The following NUFIP2 variants were observed in gnomAD, a reference collection of about 807,000 sequenced individuals.
NUFIP2 encodes nuclear FMR1 interacting protein 2.
In NUFIP2, 6 loss-of-function variants were observed where a neutral mutation model predicts 56.9. The ratio of observed to expected loss-of-function variants is 0.11; its 90% CI spans 0.06 to 0.21. The LOEUF is 0.21. Ranked by LOEUF, NUFIP2 falls within the 10% of genes least tolerant of loss-of-function variation. NUFIP2 has a pLI of 1.00. For synonymous variants in NUFIP2, 321 were observed against 298.2 expected (o/e 1.08, Z -0.79); for missense variants, 828 against 826.8 (o/e 1.00, Z -0.02).
At chr17:29,268,700 T>TA (rs369752571) in intron 2 of NUFIP2, among the ~76,000 whole-genome samples, 236 of 149,158 alleles carry the variant, frequency 1.6e-3, no homozygotes, top group East Asian at 7.6e-3. Context: ...TATATATATA[T>TA]TTTTTTTTAG....
chr17:29,276,338 C>T (rs890393532), intron 2 of NUFIP2, among the ~76,000 whole-genome samples: 1 of 152,108 alleles, frequency 6.6e-6, no homozygotes, highest in African/African-American at 2.4e-5. Context: ...TTTTCGGAAT[C>T]CTGACTGCCC....
chr17:29,278,447 C>A (rs549892782), intron 2 of NUFIP2, among the ~76,000 whole-genome samples: 1 of 151,892 alleles, frequency 6.6e-6, no homozygotes, highest in South Asian at 2.1e-4. Context: ...GGGGTTTCAC[C>A]GTGTTAGCCA....
rs1193100541 is a variant in NUFIP2 at position 29,263,809 on chromosome 17, T to C, written c.*730A>G. On this transcript the variant is annotated 3_prime_UTR_variant, in exon 4 of 4. Coordinates refer to ENST00000225388, the MANE Select transcript of NUFIP2 (RefSeq NM_020772.3). ...AGTCCAATATGTAACCGAAGCCAAGTTAACTATGTACCATCAACTAACTAT... is the reference window on the plus strand; with the variant it reads ...AGTCCAATATGTAACCGAAGCCAAGCTAACTATGTACCATCAACTAACTAT... The C allele has an allele frequency of 6.6e-6, 1 of 152,560 alleles. No individual in the cohort carries two copies. Among genetic ancestry groups the C allele is most frequent in the Non-Finnish European group, 1.5e-5 (1 of 68,032 alleles). The allele number at this position is 152,560 out of a possible 1,614,324, so 9.5% of individuals were successfully genotyped here. A position where few individuals can be genotyped will look rare whatever the true frequency, so the allele number is the denominator to read the frequency against.
chr17:29,290,042 G>A (rs545806143), intron 1 of NUFIP2, among the ~76,000 whole-genome samples: 3 of 152,196 alleles, frequency 2.0e-5, no homozygotes, highest in Admixed American at 6.5e-5. Context: ...AGCCTCCAGA[G>A]TAGCTGGGAT....
Position 29,261,751 on chromosome 17 carries a change from T to C in NUFIP2, c.*2788A>G, listed in dbSNP as rs1442176034. 6.6e-6 allele frequency: 1 copy of C among 152,622 alleles called. No homozygotes were observed. Among genetic ancestry groups the C allele is most frequent in the South Asian group, 2.1e-4 (1 of 4,826 alleles). 9.5% of individuals were successfully genotyped at this position (152,622 alleles called of 1,614,324 possible). A position where few individuals can be genotyped will look rare whatever the true frequency, so the allele number is the denominator to read the frequency against. On this transcript the variant is annotated 3_prime_UTR_variant, in exon 4 of 4. Transcript: ENST00000225388. ...CACAAAGAGATTTGTCCCAAAGTCC[T>C]GCTTGTACCTAGGCAATTAAGTCTA...
rs377201210 is a variant in NUFIP2 at position 29,272,423 on chromosome 17, G to C, written c.2003-4893C>G. Among the ~76,000 whole-genome samples the C allele has an allele frequency of 1.3e-3, 199 of 152,042 alleles. 1 individual carries two copies. Among genetic ancestry groups the C allele is most frequent in the African/African-American group, 4.6e-3 (192 of 41,494 alleles). Reference sequence around the variant, plus strand: ...GCCCGGCTAATTTCTTGTATTTTTAGTAGAGACGGGGTTTCACCGTGTTAG... The same window carrying C: ...GCCCGGCTAATTTCTTGTATTTTTACTAGAGACGGGGTTTCACCGTGTTAG... On this transcript the variant is annotated intron_variant, in intron 2 of 3. Transcript: ENST00000225388.
rs1198262233 is a variant in NUFIP2 at position 29,286,618 on chromosome 17, A to G, written c.1376T>C (p.Leu459Pro). ...GTDSVLQDMSLTSAAVEQIKT... is the reference protein window; with the variant it reads ...GTDSVLQDMSPTSAAVEQIKT... ...AATTTGTTCAACAGCTGCTGAAGTT[A>G]GACTCATGTCCTGGAGAACTGAATC... The change falls in exon 2 of 4, where the codon CTA becomes CCA. Residue 459 changes from leucine to proline, a missense_variant. Around this residue, in one of 3 missense-constraint regions of NUFIP2, gnomAD observed 404 missense variants for 380.3 expected, o/e 1.06. Transcript: ENST00000225388. 2 of 1,614,240 alleles carry G rather than the reference A, an allele frequency of 1.2e-6. No individual in the cohort carries two copies. Among genetic ancestry groups the G allele is most frequent in the Admixed American group, 3.3e-5 (2 of 60,026 alleles).
chr17:29,292,242 T>C (rs1252127804), intron 1 of NUFIP2, among the ~76,000 whole-genome samples: 2 of 152,012 alleles, frequency 1.3e-5, no homozygotes, highest in Admixed American at 6.6e-5. Flanking sequence ...TAGTCTAACC[T>C]CATGGATGAG....
At chr17:29,274,853 A>G (rs1055611597) in intron 2 of NUFIP2, among the ~76,000 whole-genome samples, 3 of 152,138 alleles carry the variant, frequency 2.0e-5, no homozygotes, top group Admixed American at 2.0e-4. Flanking sequence ...ATAGAAAAGA[A>G]AAAAATGGAG....
At chr17:29,280,998 GGAAAA>G (rs1189946985) in intron 2 of NUFIP2, among the ~76,000 whole-genome samples, 4 of 151,366 alleles carry the variant, frequency 2.6e-5, no homozygotes, top group Non-Finnish European at 4.4e-5. Flanking sequence ...AAAAAAGAAA[GGAAAA>G]GAAAAGTTAG....
chr17:29,260,712 C>CAT lies in NUFIP2; in HGVS notation c.*3825_*3826dup, dbSNP rs139596040. 203 of 152,252 alleles carry CAT rather than the reference C, an allele frequency of 1.3e-3. No individual in the cohort carries two copies. The highest frequency in any genetic ancestry group is 4.6e-3 in the African/African-American group (190 of 41,536). 9.4% of individuals were successfully genotyped at this position (152,252 alleles called of 1,614,324 possible). The stretch of plus-strand genomic sequence containing the variant: ...AAAATTTTGTATTGTGGACAACTCC[C>CAT]ATAGTTGAGGTTTGTCATATTTTCC... On this transcript the variant is annotated 3_prime_UTR_variant, in exon 4 of 4. Transcript: ENST00000225388.
At chr17:29,291,302 A>G (rs2069211803) in intron 1 of NUFIP2, among the ~76,000 whole-genome samples, 1 of 152,180 alleles carries the variant, frequency 6.6e-6, no homozygotes, top group African/African-American at 2.4e-5. Flanking sequence ...TTAGAAACAA[A>G]TTACTCAACA....
At chr17:29,274,618 TGA>T (rs2069096265) in intron 2 of NUFIP2, among the ~76,000 whole-genome samples, 1 of 152,112 alleles carries the variant, frequency 6.6e-6, no homozygotes, top group Non-Finnish European at 1.5e-5. Flanking sequence ...TCACTAAGAA[TGA>T]GAGATTTAGA....
rs1567672838 is a variant in NUFIP2 at position 29,257,093 on chromosome 17, T to A, written c.*7446A>T. 2 of 152,210 alleles carry A rather than the reference T, an allele frequency of 1.3e-5. No homozygotes were observed. Among genetic ancestry groups the A allele is most frequent in the Non-Finnish European group, 2.9e-5 (2 of 68,022 alleles). 9.4% of individuals were successfully genotyped at this position (152,210 alleles called of 1,614,324 possible). ...ACCAAAATATTACTAAGGAAGAGCA[T>A]CCAATGATTTGTAAAGCTGATAAAA... On this transcript the variant is annotated 3_prime_UTR_variant, in exon 4 of 4. Transcript: ENST00000225388.
chr17:29,265,794 ACTC>A (rs1318719080), intron 3 of NUFIP2, among the ~76,000 whole-genome samples: 1 of 150,136 alleles, frequency 6.7e-6, no homozygotes, highest in Non-Finnish European at 1.5e-5. Flanking sequence ...TATCAGAAAA[ACTC>A]AAGTCCACTT....
At chr17:29,265,711 T>TAAAAAAAA (rs35098158) in intron 3 of NUFIP2, among the ~76,000 whole-genome samples, 1 of 112,154 alleles carries the variant, frequency 8.9e-6, no homozygotes, top group Non-Finnish European at 1.8e-5. Context: ...TATACATGCT[T>TAAAAAAAA]AAAAAAAAAA....
rs761959467 is a variant in NUFIP2, at chr17:29,262,155, G to A, written c.*2384C>T. 1 of 152,408 alleles carries A rather than the reference G, an allele frequency of 6.6e-6. No individual in the cohort carries two copies. Among genetic ancestry groups the A allele is most frequent in the Non-Finnish European group, 1.5e-5 (1 of 67,992 alleles). The allele number at this position is 152,408 out of a possible 1,614,324, so 9.4% of individuals were successfully genotyped here. A position where few individuals can be genotyped will look rare whatever the true frequency, so the allele number is the denominator to read the frequency against. ...CAAATATATACTCAATTCAACCTCTGTATGTCACAAACCCAGAAAGTTTCT... is the reference window on the plus strand; with the variant it reads ...CAAATATATACTCAATTCAACCTCTATATGTCACAAACCCAGAAAGTTTCT... On this transcript the variant is annotated 3_prime_UTR_variant, in exon 4 of 4. Coordinates refer to ENST00000225388, the MANE Select transcript of NUFIP2 (RefSeq NM_020772.3).
intron 2 of NUFIP2, among the ~76,000 whole-genome samples, chr17:29,274,138 T>A (rs1260287931): frequency 6.6e-6 from 1 of 152,224 alleles, no homozygotes; most frequent in Non-Finnish European, 1.5e-5. Context: ...TAACAAGGTG[T>A]GTTTGAGCAG....
chr17:29,264,629 G>C (rs1282200256), intron 3 of NUFIP2, 38 bp from the exon 4 acceptor site: 1 of 1,329,182 alleles, frequency 7.5e-7, no homozygotes, highest in African/African-American at 1.4e-5. Flanking sequence ...ATAAGGTCTA[G>C]AATCTCAAAA....
Sources: allele counts gnomAD v4.1 joint callset (sites outside exome capture counted in the v4.1 genomes callset), GRCh38; gene constraint gnomAD v4.1.1; regional missense constraint gnomAD v4.1.1; transcripts MANE v1.5; gene names NCBI Gene and HGNC (gene_info 2026-07-23, HGNC 2026-07-21).